The following NELFA variants were observed in gnomAD, a reference collection of about 807,000 sequenced individuals.
NELFA encodes the protein negative elongation factor complex member A.
In NELFA, 35 loss-of-function variants were observed where a neutral mutation model predicts 51.8. The ratio of observed to expected loss-of-function variants is 0.68; its 90% CI spans 0.52 to 0.90. NELFA has a LOEUF of 0.90. Among genes scored for constraint, NELFA ranks in the 40% least tolerant of loss-of-function variants. The probability of loss-of-function intolerance (pLI) is 0.00; values close to 1 mark genes in which losing one functional copy is unlikely to be tolerated. For missense variants in NELFA, 658 were observed against 746.4 expected (o/e 0.88, Z 1.38); for synonymous variants, 417 against 338.4 (o/e 1.23, Z -2.55).
chr4:1,991,820 C>T, intron 1 of NELFA, 105 bp from the exon 2 acceptor site: 2 of 1,215,820 alleles, frequency 1.6e-6, no homozygotes, highest in Non-Finnish European at 2.3e-6. Flanking sequence ...GGCTCTCTGG[C>T]AGTTGCCCCC....
chr4:1,991,867 C>A, intron 1 of NELFA, 152 bp from the exon 2 acceptor site: 1 of 729,946 alleles, frequency 1.4e-6, no homozygotes, highest in Admixed American at 3.1e-5. Flanking sequence ...CCTCTGAGCC[C>A]CCCGCCTCAC....
rs533978930 is a variant in NELFA, at chr4:1,982,918, C to T, written c.*401G>A. 1.1e-3 allele frequency: 178 copies of T among 164,666 alleles called. No individual in the cohort carries two copies. The highest frequency in any genetic ancestry group is 3.3e-3 in the Admixed American group (53 of 16,004). The allele number at this position is 164,666 out of a possible 1,614,324, so 10.2% of individuals were successfully genotyped here. A position where few individuals can be genotyped will look rare whatever the true frequency, so the allele number is the denominator to read the frequency against. The stretch of plus-strand genomic sequence containing the variant: ...GTCCCTGCCGCACCCCCAGTACCAC[C>T]GTGCCACCTTGGTCCCCTCAACCCT... On this transcript the variant is annotated 3_prime_UTR_variant, in exon 11 of 11. Transcript: ENST00000382882.
chr4:1,984,690 G>A, intron 8 of NELFA, 118 bp downstream of exon 8: 1 of 699,528 alleles, frequency 1.4e-6, no homozygotes, highest in Non-Finnish European at 2.4e-6. Flanking sequence ...TCTGGCTGAG[G>A]CAGAAGGGGG....
In NELFA at chr4:1,983,079, T is replaced by A; in HGVS notation, c.*240A>T. On this transcript the variant is annotated 3_prime_UTR_variant, in exon 11 of 11. Coordinates refer to ENST00000382882, the MANE Select transcript of NELFA (RefSeq NM_005663.5). ...AATTTACTTACTACATTCAAAAATGTAACGTTGAGTCCAAAAAGTGTCTTA... is the reference window on the plus strand; with the variant it reads ...AATTTACTTACTACATTCAAAAATGAAACGTTGAGTCCAAAAAGTGTCTTA... The A allele has an allele frequency of 2.4e-6, 1 of 418,414 alleles. No homozygotes were observed. The allele number at this position is 418,414 out of a possible 1,614,324, so 25.9% of individuals were successfully genotyped here.
chr4:1,986,754 G>A (rs1316970906), intron 4 of NELFA, among the ~76,000 whole-genome samples: 3 of 81,790 alleles, frequency 3.7e-5, no homozygotes, highest in East Asian at 3.6e-4. Context: ...CTTGAGGGCC[G>A]CCCTCCCAAG....
chr4:1,983,548 C>T, intron 10 of NELFA, 45 bp from the exon 11 acceptor site: 1 of 1,612,054 alleles, frequency 6.2e-7, no homozygotes, highest in Non-Finnish European at 8.5e-7. Context: ...GGGGCACCCG[C>T]CCCCAACCCG....
In NELFA at chr4:1,986,409, G is replaced by A. The variant is rs1025161769; in HGVS notation, c.635-7C>T. On this transcript the variant is annotated splice_polypyrimidine_tract_variant and splice_region_variant and intron_variant, in intron 4 of 10. Coordinates refer to ENST00000382882, the MANE Select transcript of NELFA (RefSeq NM_005663.5). ...GGGATGCCTTTGAGTGGGGCTGGAG[G>A]ACGGCAACAGTCAGGGCGCCAGCAG... is the stretch of plus-strand genomic sequence containing the variant. The A allele has an allele frequency of 8.1e-6, 13 of 1,612,592 alleles. No individual in the cohort carries two copies. The highest frequency in any genetic ancestry group is 8.0e-5 in the African/African-American group (6 of 74,898).
Position 1,989,802 on chromosome 4 carries a change from C to G in NELFA, c.450G>C (p.Thr150=), listed in dbSNP as rs370288755. ...ECQYLNKNAL[T]TLAGPLTPPV... is the part of the protein sequence containing the mutation. ...GGGGAGTGAGGGGTCCCGCGAGGGT[C>G]GTCAGGGCGTTTTTGTTCAAGTACT... Residue 150 remains threonine, a synonymous_variant, in exon 3 of 11, where the codon ACG becomes ACC. Transcript: ENST00000382882. The surrounding 1 kb of genome is among the most constrained non-coding windows in gnomAD (Gnocchi z 4.8). 3 of 1,614,064 alleles carry G rather than the reference C, an allele frequency of 1.9e-6. No individual in the cohort carries two copies. Among genetic ancestry groups the G allele is most frequent in the African/African-American group, 1.3e-5 (1 of 74,932 alleles).
At chr4:2,007,937 A>C (rs903324064) in intron 1 of NELFA, 2 of 456,526 alleles carry the variant, frequency 4.4e-6, no homozygotes, top group Admixed American at 4.7e-5. Context: ...GATACAATAT[A>C]AAGTTTAGGA....
At chr4:1,997,580 G>T (rs1318384353) in intron 1 of NELFA, among the ~76,000 whole-genome samples, 2 of 152,190 alleles carry the variant, frequency 1.3e-5, no homozygotes, top group African/African-American at 4.8e-5. Flanking sequence ...CACCCACTAG[G>T]ATCGCTATAT....
intron 1 of NELFA, among the ~76,000 whole-genome samples, chr4:1,999,578 C>T (rs941731669): frequency 1.1e-4 from 17 of 152,242 alleles, no homozygotes; most frequent in Non-Finnish European, 1.8e-4. Context: ...GGGAACAATT[C>T]GACAAGAGCT....
intron 1 of NELFA, among the ~76,000 whole-genome samples, chr4:2,005,796 C>T (rs978538575): frequency 2.0e-5 from 3 of 152,084 alleles, no homozygotes; most frequent in Non-Finnish European, 4.4e-5. Context: ...TTTACAACGG[C>T]ATGGAAAAAT....
chr4:1,984,720 G>A, intron 8 of NELFA, 88 bp downstream of exon 8: 1 of 894,828 alleles, frequency 1.1e-6, no homozygotes, highest in Non-Finnish European at 1.7e-6. Flanking sequence ...ATGCAGGAGT[G>A]AGAACCGCAG....
At chr4:1,986,830 C>T (rs1045372988) in intron 4 of NELFA, among the ~76,000 whole-genome samples, 8 of 152,216 alleles carry the variant, frequency 5.3e-5, no homozygotes, top group Non-Finnish European at 7.4e-5. Flanking sequence ...AGCGCCCACA[C>T]GCACCCTCCA....
Position 1,991,617 on chromosome 4 carries a change from T to G in NELFA, c.309A>C (p.Thr103=), listed in dbSNP as rs767727218. ...VADILKSFPD[T]GSLNLELEEQ... is the part of the protein sequence containing the mutation. ...CCTCCAGCTCCAGGTTAAGCGAGCC[T>G]GTGTCCGGAAAGGACTTCAAGATGT... The change falls in exon 2 of 11, where the codon ACA becomes ACC. Residue 103 remains threonine (T), a synonymous_variant. Transcript: ENST00000382882. The G allele has an allele frequency of 1.2e-5, 19 of 1,613,916 alleles. No homozygotes were observed. The highest frequency in any genetic ancestry group is 1.4e-5 in the Non-Finnish European group (17 of 1,180,022).
chr4:2,008,859 G>A lies in NELFA; in HGVS notation c.101C>T (p.Thr34Met). 6.2e-7 allele frequency: 1 copy of A among 1,605,140 alleles called. No homozygotes were observed. Among genetic ancestry groups the A allele is most frequent in the Non-Finnish European group, 8.5e-7 (1 of 1,176,658 alleles). Residue 34 changes from threonine (T) to methionine (M), a missense_variant, in exon 1 of 11, where the codon ACG (threonine) becomes ATG (methionine). Thr to Met is a moderately conservative substitution (Grantham distance 81). This residue lies in a region of NELFA where 371 missense variants were observed against 448.3 expected (regional missense o/e 0.83). Coordinates refer to ENST00000382882, the MANE Select transcript of NELFA (RefSeq NM_005663.5). Reference protein sequence around the residue: ...WAPPSIASLLTAAVIDNIRLC... With the variant: ...WAPPSIASLLMAAVIDNIRLC... The stretch of plus-strand genomic sequence containing the variant: ...ACGGATGTTGTCGATGACCGCGGCC[G>A]TGAGCAGGGACGCGATGCTGGGCGG...
intron 1 of NELFA, 149 bp from the exon 2 acceptor site, chr4:1,991,864 G>GC (rs1398676443): frequency 1.0e-5 from 8 of 772,198 alleles, no homozygotes; most frequent in South Asian, 1.9e-5. Context: ...CTTCCTCTGA[G>GC]CCCCCCGCCT....
At chr4:1,999,023 C>T (rs949133650) in intron 1 of NELFA, among the ~76,000 whole-genome samples, 2 of 152,042 alleles carry the variant, frequency 1.3e-5, no homozygotes, top group African/African-American at 4.8e-5. Context: ...GAATTTTCAA[C>T]CCAGAATTTA....
intron 4 of NELFA, 152 bp from the exon 5 acceptor site, chr4:1,986,554 G>A (rs1335054324): frequency 8.1e-6 from 10 of 1,241,910 alleles, no homozygotes; most frequent in African/African-American, 3.0e-5. Flanking sequence ...CCAGGATCCC[G>A]GACCTCAAGG....
Sources: allele counts gnomAD v4.1 joint callset (sites outside exome capture counted in the v4.1 genomes callset), GRCh38; gene constraint gnomAD v4.1.1; regional missense constraint gnomAD v4.1.1; non-coding constraint Gnocchi (gnomAD v3.1); transcripts MANE v1.5; gene names NCBI Gene and HGNC (gene_info 2026-07-23, HGNC 2026-07-21).